NDUFB7: variants seen among roughly 807,000 people sequenced by gnomAD.
The protein encoded by NDUFB7 is NADH:ubiquinone oxidoreductase subunit B7.
A neutral mutation model predicts 14.7 loss-of-function variants in NDUFB7; 18 were observed. That is an observed-to-expected ratio of 1.22 (90% confidence interval 0.85 to 1.81). The LOEUF (loss-of-function observed/expected upper bound fraction) is 1.81, where lower values mean the gene tolerates loss of function less well. Ranked by LOEUF, NDUFB7 falls within the 40% of genes most tolerant of loss-of-function variation. The probability of loss-of-function intolerance (pLI) is 0.00; values close to 1 mark genes in which losing one functional copy is unlikely to be tolerated. For missense variants in NDUFB7, 219 were observed against 195.0 expected (o/e 1.12, Z -0.73); for synonymous variants, 86 against 76.1 (o/e 1.13, Z -0.68).
At position 14,571,821 on chromosome 19, in the gene NDUFB7, C is replaced by T. The variant is rs4147795; in HGVS notation, c.112+68G>A. On this transcript the variant is annotated intron_variant, in intron 1 of 2. Coordinates refer to ENST00000215565, the MANE Select transcript of NDUFB7 (RefSeq NM_004146.6). ...AGAGCCCAGCCCTGGGGTGCCAGCC[C>T]TGGGGTGCCAGGTGTTCAGGCACCC... 3.2e-5 allele frequency: 46 copies of T among 1,458,844 alleles called. No homozygotes were observed. In the East Asian group the frequency reaches 1.1e-3, roughly 35 times the overall value. The allele number at this position is 1,458,844 out of a possible 1,614,324, so 90.4% of individuals were successfully genotyped here.
At position 14,566,104 on chromosome 19, in the gene NDUFB7, ACTGGT is replaced by A. The variant is rs1344929035; in HGVS notation, c.*24_*28del. 1.3e-6 allele frequency: 2 copies of A among 1,594,258 alleles called. No homozygotes were observed. The highest frequency in any genetic ancestry group is 2.7e-5 in the African/African-American group (2 of 74,054). On this transcript the variant is annotated 3_prime_UTR_variant, in exon 3 of 3. Coordinates refer to ENST00000215565, the MANE Select transcript of NDUFB7 (RefSeq NM_004146.6). ...TGAGGGGCCTGAAGGCTTTTATTTG[ACTGGT>A]CCATAGGGTGGGGGGTGCACCCCCT...
chr19:14,572,045 G>C lies in NDUFB7; in HGVS notation c.-45C>G, dbSNP rs200582325. On this transcript the variant is annotated 5_prime_UTR_variant, in exon 1 of 3. Coordinates refer to ENST00000215565, the MANE Select transcript of NDUFB7 (RefSeq NM_004146.6). ...CCCTGCAGCAGCCGAGGGTCACCTA[G>C]CTCCTACCCGGAACCACTGACCCCT... 1,147 of 1,442,276 alleles carry C rather than the reference G, an allele frequency of 8.0e-4. 4 individuals are homozygous for C. In the African/African-American group the frequency reaches 0.011, roughly 14 times the overall value. The allele number at this position is 1,442,276 out of a possible 1,614,324, so 89.3% of individuals were successfully genotyped here.
At chr19:14,566,553 C>T (rs2074087477) in intron 2 of NDUFB7, among the ~76,000 whole-genome samples, 3 of 151,044 alleles carry the variant, frequency 2.0e-5, no homozygotes, top group South Asian at 4.2e-4. Flanking sequence ...CGGCTAGAAA[C>T]CTCAGTGGCA....
At chr19:14,571,295 C>T (rs998588866) in intron 1 of NDUFB7, among the ~76,000 whole-genome samples, 2 of 152,212 alleles carry the variant, frequency 1.3e-5, no homozygotes, top group Admixed American at 1.3e-4. Context: ...CTCCCCACGT[C>T]CCCCAAGACT....
At chr19:14,571,794 T>C in intron 1 of NDUFB7, 95 bp downstream of exon 1, 1 of 1,185,674 alleles carries the variant, frequency 8.4e-7, no homozygotes, top group Middle Eastern at 2.8e-4. Flanking sequence ...ACACCTGAGG[T>C]TAGAGCCCAG....
At chr19:14,571,526 GGTGGAGGCTGCCA>G (rs2074124965) in intron 1 of NDUFB7, among the ~76,000 whole-genome samples, 1 of 152,120 alleles carries the variant, frequency 6.6e-6, no homozygotes, top group Admixed American at 6.5e-5. Context: ...GAACCCGGGA[GGTGGAGGCTGCCA>G]GTGAATCGAG....
chr19:14,567,662 C>T lies in NDUFB7; in HGVS notation c.113-729G>A, dbSNP rs3795057. Among the ~76,000 whole-genome samples the T allele has an allele frequency of 1.4e-4, 22 of 152,180 alleles. No individual in the cohort carries two copies. In the East Asian group the frequency reaches 3.1e-3, roughly 21 times the overall value. On this transcript the variant is annotated intron_variant, in intron 1 of 2. Coordinates refer to ENST00000215565, the MANE Select transcript of NDUFB7 (RefSeq NM_004146.6). The surrounding 1 kb of genome is among the most constrained non-coding windows in gnomAD (Gnocchi z 5.1). ...TGGCGATCCTGCACTCGTTCCCCAC[C>T]GCCTCCCTCAGACCCAGCCTCCCTA...
In NDUFB7 at chr19:14,572,046, C is replaced by A. The variant is rs1244376410; in HGVS notation, c.-46G>T. ...CCTGCAGCAGCCGAGGGTCACCTAG[C>A]TCCTACCCGGAACCACTGACCCCTC... On this transcript the variant is annotated 5_prime_UTR_variant, in exon 1 of 3. Transcript: ENST00000215565. The A allele has an allele frequency of 1.5e-5, 21 of 1,444,058 alleles. No homozygotes were observed. Among genetic ancestry groups the A allele is most frequent in the Non-Finnish European group, 1.9e-5 (20 of 1,061,776 alleles). The allele number at this position is 1,444,058 out of a possible 1,614,324, so 89.5% of individuals were successfully genotyped here. A position where few individuals can be genotyped will look rare whatever the true frequency, so the allele number is the denominator to read the frequency against.
chr19:14,570,822 T>C (rs2074120921), intron 1 of NDUFB7, among the ~76,000 whole-genome samples: 1 of 152,196 alleles, frequency 6.6e-6, no homozygotes, highest in African/African-American at 2.4e-5. Flanking sequence ...GTGCTCGGTA[T>C]GCCTGTGATA....
chr19:14,571,185 G>T (rs1443968149), intron 1 of NDUFB7, among the ~76,000 whole-genome samples: 3 of 152,138 alleles, frequency 2.0e-5, no homozygotes, highest in Non-Finnish European at 4.4e-5. Context: ...TTGCAGGACA[G>T]TATTTGCAGC....
At chr19:14,569,600 G>A (rs1030359541) in intron 1 of NDUFB7, among the ~76,000 whole-genome samples, 2 of 152,222 alleles carry the variant, frequency 1.3e-5, no homozygotes, top group Non-Finnish European at 1.5e-5. Context: ...TGATCTTGGG[G>A]AAAGCAAGGT....
At chr19:14,570,495 C>G (rs914702604) in intron 1 of NDUFB7, among the ~76,000 whole-genome samples, 1 of 152,030 alleles carries the variant, frequency 6.6e-6, no homozygotes, top group Non-Finnish European at 1.5e-5. Flanking sequence ...ACACCATGCC[C>G]GGCCTCAATT....
At position 14,567,864 on chromosome 19, in the gene NDUFB7, G is replaced by A. The variant is rs1344787409; in HGVS notation, c.113-931C>T. Among the ~76,000 whole-genome samples the A allele has an allele frequency of 6.6e-6, 1 of 152,000 alleles. No individual in the cohort carries two copies. The highest frequency in any genetic ancestry group is 1.5e-5 in the Non-Finnish European group (1 of 67,998). Reference sequence around the variant, plus strand: ...CCCAGGTCCTCCTCTCCTGCCCCTTGTCCCATTCCCTGGCTTCTGCCCTAC... The same window carrying A: ...CCCAGGTCCTCCTCTCCTGCCCCTTATCCCATTCCCTGGCTTCTGCCCTAC... On this transcript the variant is annotated intron_variant, in intron 1 of 2. Coordinates refer to ENST00000215565, the MANE Select transcript of NDUFB7 (RefSeq NM_004146.6). The surrounding 1 kb of genome is among the most constrained non-coding windows in gnomAD (Gnocchi z 5.1).
rs890583158 is a variant in NDUFB7, at chr19:14,566,201, C to A, written c.346G>T (p.Glu116Ter). 6.2e-7 allele frequency: 1 copy of A among 1,613,936 alleles called. No homozygotes were observed. The highest frequency in any genetic ancestry group is 8.5e-7 in the Non-Finnish European group (1 of 1,180,008). Residue 116 changes from glutamate (E) to a stop codon, truncating the protein, a stop_gained, in exon 3 of 3, where the codon GAG (glutamate) becomes TAG (stop). Transcript: ENST00000215565. LOFTEE classifies it high-confidence loss of function. Reference sequence around the variant, plus strand: ...TTGGCCAACTCTGCCGCCTTCTTCTCCCGCCGCTTCTTCCGCTGGAGCAGC... The same window carrying A: ...TTGGCCAACTCTGCCGCCTTCTTCTACCGCCGCTTCTTCCGCTGGAGCAGC... ...RRLLQRKKRREKKAAELAKGQ... is the reference protein window; with the variant it reads ...RRLLQRKKRR
Position 14,567,036 on chromosome 19 carries a change from G to C in NDUFB7, c.113-103C>G. The stretch of plus-strand genomic sequence containing the variant: ...CACGGCTTCAGGAAGGCACGGCTTG[G>C]GGTGTCCCCCATTCACATCCAGATG... On this transcript the variant is annotated intron_variant, in intron 1 of 2. Transcript: ENST00000215565. The surrounding 1 kb of genome is among the most constrained non-coding windows in gnomAD (Gnocchi z 5.1). 3.3e-6 allele frequency: 4 copies of C among 1,225,182 alleles called. No individual in the cohort carries two copies. The highest frequency in any genetic ancestry group is 3.4e-6 in the Non-Finnish European group (3 of 889,024). The allele number at this position is 1,225,182 out of a possible 1,614,324, so 75.9% of individuals were successfully genotyped here.
At chr19:14,566,356 T>A in intron 2 of NDUFB7, 91 bp from the exon 3 acceptor site, 4 of 1,580,390 alleles carry the variant, frequency 2.5e-6, no homozygotes, top group African/African-American at 2.7e-5. Flanking sequence ...CCCAGAGCAC[T>A]GTGGGGGAGG....
In NDUFB7 at chr19:14,566,918, T is replaced by C. The variant is rs1384391850; in HGVS notation, c.128A>G (p.Gln43Arg). Residue 43 changes from glutamine (Q) to arginine (R), a missense_variant, in exon 2 of 3, where the codon CAG becomes CGG. Physicochemically the swap from Gln to Arg is conservative, Grantham distance 43. Transcript: ENST00000215565. ...CAGCTGCGCGTCCATCATCTCCTGC[T>C]GTGTGGCCACCATCTCTGCAGGGAG... Reference protein sequence around the residue: ...ERKEREMVATQQEMMDAQLRL... With the variant: ...ERKEREMVATRQEMMDAQLRL... The C allele has an allele frequency of 6.3e-7, 1 of 1,584,872 alleles. No homozygotes were observed. Among genetic ancestry groups the C allele is most frequent in the South Asian group, 1.1e-5 (1 of 87,762 alleles).
chr19:14,569,290 T>TG (rs1199594900), intron 1 of NDUFB7, among the ~76,000 whole-genome samples: 4 of 152,006 alleles, frequency 2.6e-5, no homozygotes, highest in African/African-American at 9.7e-5. Context: ...ACTGCAGGAA[T>TG]GCGCCACCAC....
chr19:14,566,676 G>A, intron 2 of NDUFB7, 89 bp downstream of exon 2: 1 of 1,227,126 alleles, frequency 8.1e-7, no homozygotes, highest in Non-Finnish European at 1.1e-6. Flanking sequence ...CTGGGCATGT[G>A]GGGGGCTTGG....
Sources: allele counts gnomAD v4.1 joint callset (sites outside exome capture counted in the v4.1 genomes callset), GRCh38; gene constraint gnomAD v4.1.1; non-coding constraint Gnocchi (gnomAD v3.1); transcripts MANE v1.5; gene names NCBI Gene and HGNC (gene_info 2026-07-23, HGNC 2026-07-21).